The following AIFM1 variants were observed in gnomAD, a reference collection of about 807,000 sequenced individuals.
AIFM1 encodes apoptosis inducing factor mitochondria associated 1, also known as apoptosis-inducing factor 1, mitochondrial.
AIFM1 carries 3 observed loss-of-function variants against 51.7 expected under a neutral mutation model. The ratio of observed to expected loss-of-function variants is 0.06; its 90% CI spans 0.03 to 0.15. The LOEUF (loss-of-function observed/expected upper bound fraction) is 0.15. Among genes scored for constraint, AIFM1 ranks in the 10% least tolerant of loss-of-function variants. The pLI, the probability that AIFM1 is intolerant of heterozygous loss-of-function variation, is 1.00. For synonymous variants in AIFM1, 178 were observed against 179.4 expected (o/e 0.99, Z 0.06); for missense variants, 330 against 476.8 (o/e 0.69, Z 2.87).
intron 9 of AIFM1, 30 bp from the exon 10 acceptor site, chrX:130,137,215 A>T: frequency 8.3e-7 from 1 of 1,210,277 alleles, no homozygotes; most frequent in Non-Finnish European, 1.1e-6. Context: ...TAGTTACAGC[A>T]GGAAGCAAAA....
Position 130,138,847 on chromosome X carries a change from G to A in AIFM1, c.859-146C>T, listed in dbSNP as rs112041961. 1.6e-3 allele frequency: 749 copies of A among 476,165 alleles called. 10 individuals carry two copies. In the African/African-American group the frequency reaches 0.016, roughly 10 times the overall value. 39.2% of individuals were successfully genotyped at this position (476,165 alleles called of 1,213,427 possible). ...CAATTATAACTTCTATGTTATTAAT[G>A]CAAATTTATTTCTTCATGGTAAAAT... On this transcript the variant is annotated intron_variant, in intron 8 of 15. Coordinates refer to ENST00000287295, the MANE Select transcript of AIFM1 (RefSeq NM_004208.4).
chrX:130,132,693 A>G (rs2030144746), intron 13 of AIFM1, among the ~76,000 whole-genome samples: 2 of 110,758 alleles, frequency 1.8e-5, no homozygotes, highest in Admixed American at 9.6e-5. Context: ...ATGAGCAACC[A>G]TACCAGACCA....
chrX:130,129,667 C>T, intron 15 of AIFM1, 39 bp from the exon 16 acceptor site: 1 of 1,143,258 alleles, frequency 8.7e-7, no homozygotes, highest in Non-Finnish European at 1.2e-6. Context: ...CTAACTTACT[C>T]CATTGCGTTC....
rs751941034 is a variant in AIFM1, at chrX:130,156,526, C to G, written c.184G>C (p.Gly62Arg). ...RQMASSGASG[G>R]KIDNSVLVLI... ...ACTAACACAGAATTATCGATTTTGC[C>G]CCCTGATGCACCAGAGCTAGCCATT... The change falls in exon 2 of 16, where the codon GGC (glycine) becomes CGC (arginine). Residue 62 changes from glycine (G) to arginine (R), a missense_variant. Transcript: ENST00000287295. The G allele has an allele frequency of 1.7e-6, 2 of 1,211,459 alleles. No individual in the cohort carries two copies. The highest frequency in any genetic ancestry group is 3.5e-5 in the South Asian group (2 of 57,000).
At chrX:130,144,854 A>G (rs898932280) in intron 6 of AIFM1, among the ~76,000 whole-genome samples, 2 of 112,459 alleles carry the variant, frequency 1.8e-5, no homozygotes, top group African/African-American at 6.5e-5. Context: ...TTCTCTGTCT[A>G]ATGTCCCCTT....
chrX:130,130,087 T>C lies in AIFM1; in HGVS notation c.1653A>G (p.Pro551=). Residue 551 remains proline (P), a synonymous_variant, in exon 15 of 16, where the codon CCA becomes CCG. Transcript: ENST00000287295. ...AGTCCTCCCCCTGGACGGGAGCCTG[T>C]GGAACTGCCGGGGTGCTGGGAGGAA... The part of the protein sequence containing the change: ...ITIPPSTPAV[P]QAPVQGEDYG... The C allele has an allele frequency of 8.3e-7, 1 of 1,211,963 alleles. No homozygotes were observed. Among genetic ancestry groups the C allele is most frequent in the Non-Finnish European group, 1.1e-6 (1 of 895,551 alleles).
intron 2 of AIFM1, among the ~76,000 whole-genome samples, chrX:130,150,426 C>G (rs2124667794): frequency 1.0e-5 from 1 of 96,641 alleles, no homozygotes; most frequent in Non-Finnish European, 2.1e-5. Flanking sequence ...AGCTCTGCCT[C>G]CCGGGTTCAC....
chrX:130,156,713 A>G, intron 1 of AIFM1, 110 bp from the exon 2 acceptor site: 1 of 866,501 alleles, frequency 1.2e-6, no homozygotes, highest in Admixed American at 2.3e-5. Flanking sequence ...ACAGATATTC[A>G]CCGTTAAATG....
At chrX:130,154,976 T>A (rs765719051) in intron 2 of AIFM1, among the ~76,000 whole-genome samples, 1 of 112,473 alleles carries the variant, frequency 8.9e-6, no homozygotes, top group Non-Finnish European at 1.9e-5. Context: ...CTGGTAGGAC[T>A]TCAACAGTTT....
At chrX:130,134,805 G>A (rs1334719673) in intron 12 of AIFM1, among the ~76,000 whole-genome samples, 1 of 111,773 alleles carries the variant, frequency 8.9e-6, no homozygotes, top group Non-Finnish European at 1.9e-5. Flanking sequence ...CAACGAGTGA[G>A]CAACCGTAAA....
intron 12 of AIFM1, 128 bp from the exon 13 acceptor site, chrX:130,133,583 GC>G: frequency 1.1e-6 from 1 of 890,396 alleles, no homozygotes; most frequent in Non-Finnish European, 1.6e-6. Context: ...CCATCTACAG[GC>G]CAGAGTTGTA....
At chrX:130,143,420 A>G (rs2030645954) in intron 6 of AIFM1, among the ~76,000 whole-genome samples, 1 of 111,801 alleles carries the variant, frequency 8.9e-6, no homozygotes, top group African/African-American at 3.3e-5. Flanking sequence ...TCAGACATGC[A>G]GGCTAGAAAT....
chrX:130,165,592 G>A lies in AIFM1; in HGVS notation c.65C>T (p.Thr22Ile). The A allele has an allele frequency of 8.3e-7, 1 of 1,202,508 alleles. No homozygotes were observed. The highest frequency in any genetic ancestry group is 1.1e-6 in the Non-Finnish European group (1 of 890,611). ...LKQKLVPLVR[T>I]VCVRSPRQRN... ...CTGCCTCGGGCTTCGGACGCACACG[G>A]TCCGCACCAAGGGCACCAGCTTCTG... Residue 22 changes from threonine (T) to isoleucine (I), a missense_variant, in exon 1 of 16, where the codon ACC (threonine) becomes ATC (isoleucine). Transcript: ENST00000287295.
chrX:130,137,328 A>C (rs771849452), intron 9 of AIFM1, 143 bp from the exon 10 acceptor site: 131 of 1,169,858 alleles, frequency 1.1e-4, no homozygotes, highest in Non-Finnish European at 1.5e-4. Flanking sequence ...CTTACAGGAC[A>C]GTGGGCATGA....
chrX:130,138,357 C>T (rs1334804703), intron 9 of AIFM1, among the ~76,000 whole-genome samples: 7 of 110,668 alleles, frequency 6.3e-5, no homozygotes, highest in African/African-American at 6.6e-5. Flanking sequence ...CCCAGCTACT[C>T]GGGAGGCTGA....
At chrX:130,133,184 T>C in intron 13 of AIFM1, 129 bp downstream of exon 13, 1 of 863,296 alleles carries the variant, frequency 1.2e-6, no homozygotes, top group South Asian at 2.0e-5. Context: ...TGTGTGGACA[T>C]AAGATGGACT....
chrX:130,154,342 G>A (rs1172063460), intron 2 of AIFM1, among the ~76,000 whole-genome samples: 2 of 111,881 alleles, frequency 1.8e-5, no homozygotes, highest in African/African-American at 3.3e-5. Flanking sequence ...ACAGCAACAC[G>A]GACCAGGAAT....
chrX:130,143,165 T>C (rs2030636549), intron 6 of AIFM1, among the ~76,000 whole-genome samples: 2 of 111,309 alleles, frequency 1.8e-5, no homozygotes, highest in Non-Finnish European at 3.8e-5. Context: ...CCAGATCAGT[T>C]CTCCCTGGGA....
intron 2 of AIFM1, among the ~76,000 whole-genome samples, chrX:130,151,190 G>C (rs1270662608): frequency 9.3e-6 from 1 of 107,589 alleles, no homozygotes; most frequent in African/African-American, 3.4e-5. Context: ...GCCCAGGCTG[G>C]AGTGCAGTGG....
Sources: gnomAD v4.1 joint callset for allele counts (sites outside exome capture counted in the v4.1 genomes callset) on GRCh38, gnomAD v4.1.1 for gene constraint, MANE v1.5 for transcripts, NCBI Gene and HGNC (gene_info 2026-07-23, HGNC 2026-07-21) for gene names.